The following MAP4 variants were observed in gnomAD, a reference collection of about 807,000 sequenced individuals.
The protein encoded by MAP4 is microtubule associated protein 4.
Under a neutral mutation model 170.2 loss-of-function variants are expected in MAP4, and 76 were observed. The observed-to-expected ratio is 0.45, with a 90% confidence interval of 0.37 to 0.54. The LOEUF is 0.54. Among genes scored for constraint, MAP4 ranks in the 20% least tolerant of loss-of-function variants. MAP4 has a pLI of 0.00. For synonymous variants in MAP4, 909 were observed against 994.5 expected (o/e 0.91, Z 1.62); for missense variants, 2,506 against 2,748.0 (o/e 0.91, Z 1.97).
chr3:48,000,108 G>T (rs2100098285), intron 1 of MAP4, among the ~76,000 whole-genome samples: 1 of 151,288 alleles, frequency 6.6e-6, no homozygotes, highest in Admixed American at 6.6e-5. Flanking sequence ...CCAGCTACTT[G>T]TGAGGCTGAG....
chr3:47,937,172 T>C (rs1409091299), intron 3 of MAP4, among the ~76,000 whole-genome samples: 1 of 152,152 alleles, frequency 6.6e-6, no homozygotes, highest in Non-Finnish European at 1.5e-5. Flanking sequence ...TCTGAGACTT[T>C]TGACTTATCC....
At chr3:48,066,225 C>T (rs2100138190) in intron 1 of MAP4, among the ~76,000 whole-genome samples, 2 of 152,126 alleles carry the variant, frequency 1.3e-5, no homozygotes, top group Non-Finnish European at 2.9e-5. Flanking sequence ...ACTTAACTTC[C>T]TCCCCAGTAT....
chr3:47,998,634 T>C lies in MAP4; in HGVS notation c.223+4A>G. On this transcript the variant is annotated splice_donor_region_variant and intron_variant, in intron 2 of 20. Coordinates refer to ENST00000683076, the MANE Select transcript of MAP4 (RefSeq NM_001385682.1). ...TATATAAGCAGTCTGGTTTAAATAC[T>C]TACCTTCAATCTGGCTAGTTTCTGA... 1.2e-6 allele frequency: 2 copies of C among 1,611,058 alleles called. No individual in the cohort carries two copies. Among genetic ancestry groups the C allele is most frequent in the Non-Finnish European group, 1.7e-6 (2 of 1,177,316 alleles).
Position 47,871,100 on chromosome 3 carries a change from A to G in MAP4, c.6007T>C (p.Leu2003=), listed in dbSNP as rs1314896820. 1.9e-6 allele frequency: 3 copies of G among 1,606,676 alleles called. No individual in the cohort carries two copies. The highest frequency in any genetic ancestry group is 2.7e-5 in the African/African-American group (2 of 74,726). Residue 2003 remains leucine (L), a synonymous_variant, in exon 15 of 21, where the codon TTG becomes CTG. Coordinates refer to ENST00000683076, the MANE Select transcript of MAP4 (RefSeq NM_001385682.1). ...KMTAKSVPAD[L]SRPKSTSTSS... ...GTGGAGGTGCTCTTTGGGCGACTCAAGTCAGCTGCAAAGAAGGGAGTGAGA... is the reference window on the plus strand; with the variant it reads ...GTGGAGGTGCTCTTTGGGCGACTCAGGTCAGCTGCAAAGAAGGGAGTGAGA...
chr3:47,875,431 C>A (rs1488718019), intron 12 of MAP4, among the ~76,000 whole-genome samples: 1 of 152,180 alleles, frequency 6.6e-6, no homozygotes, highest in Non-Finnish European at 1.5e-5. Flanking sequence ...ATGTTAATGT[C>A]TGCATCAATG....
At chr3:48,053,648 G>A (rs1172147831) in intron 1 of MAP4, among the ~76,000 whole-genome samples, 1 of 152,060 alleles carries the variant, frequency 6.6e-6, no homozygotes, top group African/African-American at 2.4e-5. Context: ...AGTGATGTCT[G>A]AACTATGAGA....
At chr3:47,973,860 G>A (rs2100080297) in intron 3 of MAP4, 3 of 985,296 alleles carry the variant, frequency 3.0e-6, no homozygotes, top group Admixed American at 6.1e-5. Context: ...CTTTGATGGT[G>A]TATTCTCTAT....
chr3:48,017,674 T>C (rs545627946), upstream of MAP4, among the ~76,000 whole-genome samples: 3 of 152,224 alleles, frequency 2.0e-5, no homozygotes, highest in South Asian at 6.2e-4. Context: ...TCTCCAAACT[T>C]GAAGTTATCT....
At position 47,904,844 on chromosome 3, in the gene MAP4, A is replaced by G. The variant is rs1384497420; in HGVS notation, c.5384-1844T>C. ...AACATCATGCGTGGCTACTTTTTGT[A>G]TTTTTAGTAGAGATGGGGTTTCACC... On this transcript the variant is annotated intron_variant, in intron 9 of 20. Transcript: ENST00000683076. 6.0e-5 allele frequency among the ~76,000 whole-genome samples: 9 copies of G among 151,212 alleles called. No individual in the cohort carries two copies. In the East Asian group the frequency reaches 1.6e-3, roughly 26 times the overall value.
intron 1 of MAP4, among the ~76,000 whole-genome samples, chr3:48,024,570 A>G (rs1351947596): frequency 6.6e-6 from 1 of 152,220 alleles, no homozygotes; most frequent in Non-Finnish European, 1.5e-5. Context: ...AGAATCCAGC[A>G]GGAGACTCCA....
At chr3:47,966,038 G>A (rs1037444579) in intron 3 of MAP4, among the ~76,000 whole-genome samples, 3 of 151,758 alleles carry the variant, frequency 2.0e-5, no homozygotes, top group Non-Finnish European at 4.4e-5. Context: ...TCCATTTTAA[G>A]TTAATTTTTG....
intron 1 of MAP4, among the ~76,000 whole-genome samples, chr3:48,031,588 G>A (rs1479487422): frequency 1.3e-5 from 2 of 152,130 alleles, no homozygotes; most frequent in Non-Finnish European, 2.9e-5. Context: ...AGCCAGGCAT[G>A]GTGGTACGTG....
chr3:47,917,004 C>T lies in MAP4; in HGVS notation c.823G>A (p.Ala275Thr), dbSNP rs2153627971. The change falls in exon 7 of 21, where the codon GCT becomes ACT. Residue 275 changes from alanine to threonine, a missense_variant. Ala to Thr is a moderately conservative substitution (Grantham distance 58). This residue lies in a region of MAP4 where 2,008 missense variants were observed against 2,206.0 expected (regional missense o/e 0.91). Transcript: ENST00000683076. Reference protein sequence around the residue: ...ALATKTEVALAKDMESPTKLD... With the variant: ...ALATKTEVALTKDMESPTKLD... ...TTGGTGGGTGATTCCATATCTTTAG[C>T]CAATGCCACCTCGGTTTTTGTAGCT... The T allele has an allele frequency of 6.2e-7, 1 of 1,614,218 alleles. No individual in the cohort carries two copies. Among genetic ancestry groups the T allele is most frequent in the Non-Finnish European group, 8.5e-7 (1 of 1,180,040 alleles).
intron 3 of MAP4, chr3:47,975,368 C>G: frequency 6.4e-7 from 1 of 1,550,768 alleles, no homozygotes; most frequent in Non-Finnish European, 8.7e-7. Context: ...AAGCAAAGCT[C>G]TGCAAAATGC....
chr3:48,073,790 G>A (rs1326467996), intron 1 of MAP4, among the ~76,000 whole-genome samples: 2 of 152,042 alleles, frequency 1.3e-5, no homozygotes, highest in Non-Finnish European at 2.9e-5. Flanking sequence ...TAAAAGACTT[G>A]TACACTAAAA....
intron 4 of MAP4, 71 bp from the exon 5 acceptor site, chr3:47,921,949 CTTTCT>C: frequency 9.1e-6 from 7 of 767,260 alleles, no homozygotes; most frequent in South Asian, 3.1e-5. Context: ...TTCTTTCTTT[CTTTCT>C]TTTTTTTTTT....
chr3:47,874,591 AC>A (rs1231558448), intron 12 of MAP4, among the ~76,000 whole-genome samples: 4 of 152,040 alleles, frequency 2.6e-5, no homozygotes, highest in Middle Eastern at 3.4e-3. Context: ...CTCCTCTGTC[AC>A]CCCCCAGAAG....
chr3:47,924,180 A>G (rs1171792595), intron 4 of MAP4, among the ~76,000 whole-genome samples: 1 of 152,208 alleles, frequency 6.6e-6, no homozygotes, highest in Non-Finnish European at 1.5e-5. Context: ...ACATTTATAT[A>G]TGTTCCCACA....
At chr3:48,017,201 G>A (rs965494261), upstream of MAP4, among the ~76,000 whole-genome samples, 3 of 152,114 alleles carry the variant, frequency 2.0e-5, no homozygotes, top group Non-Finnish European at 4.4e-5. Context: ...AAGGATCGGC[G>A]AAAAGAGCCA....
Sources: allele counts gnomAD v4.1 joint callset (sites outside exome capture counted in the v4.1 genomes callset), GRCh38; gene constraint gnomAD v4.1.1; regional missense constraint gnomAD v4.1.1; transcripts MANE v1.5; gene names NCBI Gene and HGNC (gene_info 2026-07-23, HGNC 2026-07-21).